The following HPCAL1 variants were observed in gnomAD, a reference collection of about 807,000 sequenced individuals.
The protein encoded by HPCAL1 is hippocalcin-like protein 1.
In HPCAL1, 8 loss-of-function variants were observed where a neutral mutation model predicts 17.1. The ratio of observed to expected loss-of-function variants is 0.47; its 90% CI spans 0.27 to 0.84. The LOEUF (loss-of-function observed/expected upper bound fraction) is 0.84, where lower values mean the gene tolerates loss of function less well. Among genes scored for constraint, HPCAL1 ranks in the 40% least tolerant of loss-of-function variants. The probability of loss-of-function intolerance (pLI) is 0.13; values close to 1 mark genes in which losing one functional copy is unlikely to be tolerated. For synonymous variants in HPCAL1, 112 were observed against 111.4 expected (o/e 1.01, Z -0.03); for missense variants, 165 against 271.1 (o/e 0.61, Z 2.75).
In HPCAL1 at chr2:10,379,128, G is replaced by A. The variant is rs571847249; in HGVS notation, c.-110-17707G>A. 8.5e-5 allele frequency among the ~76,000 whole-genome samples: 13 copies of A among 152,126 alleles called. No homozygotes were observed. In the South Asian group the frequency reaches 2.7e-3, roughly 32 times the overall value. Reference sequence around the variant, plus strand: ...AGATCACTTGAGGTCAGGAGTTCGAGACCAGCCTGGCCAACATGGTGAAAC... The same window carrying A: ...AGATCACTTGAGGTCAGGAGTTCGAAACCAGCCTGGCCAACATGGTGAAAC... On this transcript the variant is annotated intron_variant, in intron 1 of 4. Transcript: ENST00000307845.
chr2:10,339,250 T>C (rs1209936542), intron 1 of HPCAL1, among the ~76,000 whole-genome samples: 1 of 152,258 alleles, frequency 6.6e-6, no homozygotes, highest in East Asian at 1.9e-4. Flanking sequence ...CCTCCCGGGT[T>C]CAAGTGATTC....
At position 10,426,704 on chromosome 2, in the gene HPCAL1, T is replaced by A; in HGVS notation, c.485-20T>A. The stretch of plus-strand genomic sequence containing the variant: ...GAACAGTGAGCACTGGCTAATCCCA[T>A]TGTCTCTGGTCCCCTGCAGGCAAAC... On this transcript the variant is annotated intron_variant, in intron 4 of 4. Transcript: ENST00000307845. 6.3e-7 allele frequency: 1 copy of A among 1,596,770 alleles called. No homozygotes were observed. Among genetic ancestry groups the A allele is most frequent in the Admixed American group, 1.7e-5 (1 of 59,988 alleles).
At chr2:10,316,898 G>A (rs1380691502) in intron 1 of HPCAL1, among the ~76,000 whole-genome samples, 1 of 152,044 alleles carries the variant, frequency 6.6e-6, no homozygotes, top group African/African-American at 2.4e-5. Flanking sequence ...ATCACGTCTG[G>A]TAAATAATTT....
chr2:10,350,978 A>C (rs1665809038), intron 1 of HPCAL1, among the ~76,000 whole-genome samples: 1 of 152,222 alleles, frequency 6.6e-6, no homozygotes, highest in Non-Finnish European at 1.5e-5. Context: ...GTAGGATGAA[A>C]ATGGTGCAGC....
chr2:10,372,098 C>T (rs1449976971), intron 1 of HPCAL1, among the ~76,000 whole-genome samples: 1 of 152,260 alleles, frequency 6.6e-6, no homozygotes, highest in Admixed American at 6.5e-5. Context: ...ACGTTGGGTG[C>T]ACAGTGAATA....
chr2:10,355,542 A>C (rs1666102027), intron 1 of HPCAL1, among the ~76,000 whole-genome samples: 1 of 149,868 alleles, frequency 6.7e-6, no homozygotes, highest in Non-Finnish European at 1.5e-5. Context: ...GTGAATCTTC[A>C]GCATTCTGGA....
intron 1 of HPCAL1, among the ~76,000 whole-genome samples, chr2:10,355,365 G>A (rs1479092849): frequency 7.0e-6 from 1 of 142,936 alleles, no homozygotes; most frequent in Non-Finnish European, 1.5e-5. Context: ...GCAGGAGAAT[G>A]GCGTGAACCC....
intron 1 of HPCAL1, among the ~76,000 whole-genome samples, chr2:10,393,351 T>G (rs2125566751): frequency 6.6e-6 from 1 of 152,290 alleles, no homozygotes; most frequent in Non-Finnish European, 1.5e-5. Context: ...GCCAATTCCT[T>G]CAAGGTCTCC....
At chr2:10,416,233 T>G (rs1215679216) in intron 2 of HPCAL1, among the ~76,000 whole-genome samples, 1 of 152,206 alleles carries the variant, frequency 6.6e-6, no homozygotes, top group Non-Finnish European at 1.5e-5. Flanking sequence ...AGTTAGGACT[T>G]CAACATCTTT....
At chr2:10,321,034 C>T (rs988179228) in intron 1 of HPCAL1, among the ~76,000 whole-genome samples, 10 of 151,846 alleles carry the variant, frequency 6.6e-5, no homozygotes, top group African/African-American at 2.2e-4. Context: ...GAGACACGGT[C>T]ATTAATAAAG....
chr2:10,380,357 T>TGTA (rs1558501917), intron 1 of HPCAL1, among the ~76,000 whole-genome samples: 3 of 152,140 alleles, frequency 2.0e-5, no homozygotes. Context: ...GGACTATTTA[T>TGTA]GTAGGGTCTG....
intron 1 of HPCAL1, among the ~76,000 whole-genome samples, chr2:10,381,222 C>G (rs993711655): frequency 3.3e-5 from 5 of 152,224 alleles, no homozygotes; most frequent in Non-Finnish European, 5.9e-5. Flanking sequence ...GGCCCTTAGT[C>G]TAAGCAAGGA....
intron 1 of HPCAL1, among the ~76,000 whole-genome samples, chr2:10,324,664 C>T (rs1317460852): frequency 1.3e-5 from 2 of 150,506 alleles, no homozygotes; most frequent in Admixed American, 6.6e-5. Flanking sequence ...TTCTAGCAGA[C>T]CTTTGGTGAA....
chr2:10,364,669 C>T (rs1482971925), intron 1 of HPCAL1, among the ~76,000 whole-genome samples: 2 of 151,768 alleles, frequency 1.3e-5, no homozygotes, highest in Non-Finnish European at 2.9e-5. Context: ...ACTGTAGCCT[C>T]GACCTCCCCC....
At chr2:10,361,472 T>A (rs1224606056) in intron 1 of HPCAL1, among the ~76,000 whole-genome samples, 1 of 152,186 alleles carries the variant, frequency 6.6e-6, no homozygotes, top group Non-Finnish European at 1.5e-5. Flanking sequence ...TTCTCATTGT[T>A]CTTGGGAAAC....
intron 1 of HPCAL1, among the ~76,000 whole-genome samples, chr2:10,385,865 G>T (rs149796165): frequency 6.6e-6 from 1 of 152,128 alleles, no homozygotes; most frequent in African/African-American, 2.4e-5. Context: ...CTGGACGCCT[G>T]GTTCCAGGCT....
chr2:10,340,175 G>C (rs1664989208), intron 1 of HPCAL1, among the ~76,000 whole-genome samples: 1 of 152,216 alleles, frequency 6.6e-6, no homozygotes, highest in African/African-American at 2.4e-5. Flanking sequence ...GGAAGACATA[G>C]ACCCAAGGGT....
chr2:10,321,396 C>T (rs1178590832), intron 1 of HPCAL1, among the ~76,000 whole-genome samples: 3 of 151,904 alleles, frequency 2.0e-5, no homozygotes, highest in East Asian at 3.9e-4. Flanking sequence ...ACATCCAAGC[C>T]GTATCAGTGA....
chr2:10,401,082 C>T (rs184928587), intron 2 of HPCAL1, among the ~76,000 whole-genome samples: 15 of 152,334 alleles, frequency 9.8e-5, no homozygotes, highest in Admixed American at 9.1e-4. Flanking sequence ...ACACAGGCAG[C>T]CACAGCCGAG....
Sources: allele counts gnomAD v4.1 joint callset (sites outside exome capture counted in the v4.1 genomes callset), GRCh38; gene constraint gnomAD v4.1.1; transcripts MANE v1.5; gene names NCBI Gene and HGNC (gene_info 2026-07-23, HGNC 2026-07-21).